The following MAPK8IP3 variants were observed in gnomAD, a reference collection of about 807,000 sequenced individuals.
The protein encoded by MAPK8IP3 is mitogen-activated protein kinase 8 interacting protein 3.
In MAPK8IP3, 49 loss-of-function variants were observed where a neutral mutation model predicts 157.8. The observed-to-expected ratio is 0.31, with a 90% CI of 0.25 to 0.39. MAPK8IP3 has a LOEUF of 0.39. Ranked by LOEUF, MAPK8IP3 falls within the 10% of genes least tolerant of loss-of-function variation. The pLI is 1.00. For missense variants in MAPK8IP3, 1,478 were observed against 1,889.4 expected, an observed-to-expected ratio of 0.78 and a Z score of 4.04; for synonymous variants, 897 against 777.7, an observed-to-expected ratio of 1.15 and a Z score of -2.55.
chr16:1,743,581 G>A lies in MAPK8IP3; in HGVS notation c.747+105G>A. ...GCAGGCAGCCCTTCACGGCTCTCTG[G>A]GCCACTCGCCCTCTCCCTTCGTGTG... On this transcript the variant is annotated intron_variant, in intron 5 of 31. Transcript: ENST00000610761. The surrounding 1 kb of genome is among the most constrained non-coding windows in gnomAD (Gnocchi z 5.6). 6.7e-7 allele frequency: 1 copy of A among 1,494,642 alleles called. No homozygotes were observed. The highest frequency in any genetic ancestry group is 1.4e-5 in the African/African-American group (1 of 69,484). 92.6% of individuals were successfully genotyped at this position (1,494,642 alleles called of 1,614,324 possible).
chr16:1,713,110 T>C (rs2037904728), intron 1 of MAPK8IP3, among the ~76,000 whole-genome samples: 1 of 152,208 alleles, frequency 6.6e-6, no homozygotes, highest in Admixed American at 6.5e-5. Context: ...GACTGTCTCT[T>C]TGGAGCAGCC....
chr16:1,759,538 G>C lies in MAPK8IP3; in HGVS notation c.1247-420G>C, dbSNP rs551824658. Among the ~76,000 whole-genome samples the C allele has an allele frequency of 1.2e-4, 18 of 152,226 alleles. No individual in the cohort carries two copies. In the South Asian group the frequency reaches 3.5e-3, roughly 30 times the overall value. On this transcript the variant is annotated intron_variant, in intron 10 of 31. Coordinates refer to ENST00000610761, the MANE Select transcript of MAPK8IP3 (RefSeq NM_001318852.2). ...GTCCTCACAGCCGCGCCCCATCGCC[G>C]CACCCCAGCCCTGCTGGCCCTGCCG...
Position 1,768,928 on chromosome 16 carries a change from CCT to C in MAPK8IP3, c.*108_*109del, listed in dbSNP as rs1567218076. 2.2e-6 allele frequency: 3 copies of C among 1,340,172 alleles called. No individual in the cohort carries two copies. The highest frequency in any genetic ancestry group is 1.4e-5 in the African/African-American group (1 of 69,302). The allele number at this position is 1,340,172 out of a possible 1,614,324, so 83.0% of individuals were successfully genotyped here. A position where few individuals can be genotyped will look rare whatever the true frequency, so the allele number is the denominator to read the frequency against. On this transcript the variant is annotated 3_prime_UTR_variant, in exon 32 of 32. Transcript: ENST00000610761. Reference sequence around the variant, plus strand: ...CCAGGCGCCGCCGCCCCTCTTCTAACCTCTCAACCTGCAGCTTTCACCTGAGT... The same window carrying C: ...CCAGGCGCCGCCGCCCCTCTTCTAACCTCAACCTGCAGCTTTCACCTGAGT...
chr16:1,706,501 G>A lies in MAPK8IP3; in HGVS notation c.162G>A (p.Glu54=). 1 of 1,614,116 alleles carries A rather than the reference G, an allele frequency of 6.2e-7. No homozygotes were observed. The highest frequency in any genetic ancestry group is 8.5e-7 in the Non-Finnish European group (1 of 1,179,990). The change falls in exon 1 of 32, where the codon GAG becomes GAA. Residue 54 remains glutamate (E), a synonymous_variant. Transcript: ENST00000610761. The surrounding 1 kb of genome is among the most constrained non-coding windows in gnomAD (Gnocchi z 5.1). The part of the protein sequence containing the change: ...IHCYDEEVVK[E]LMPLVVNVLE... The stretch of plus-strand genomic sequence containing the variant: ...GCTACGACGAGGAGGTGGTCAAGGA[G>A]CTCATGCCGCTGGTGGTGAACGTGC...
Position 1,766,386 on chromosome 16 carries a change from G to A in MAPK8IP3, c.2796G>A (p.Pro932=), listed in dbSNP as rs369545516. Reference sequence around the variant, plus strand: ...TCTTCACTGACCCAGCCCCGACCCCGTCCTCTGGCCCCCAGCCTGGCAGGT... The same window carrying A: ...TCTTCACTGACCCAGCCCCGACCCCATCCTCTGGCCCCCAGCCTGGCAGGT... ...EHVFTDPAPT[P]SSGPQPGSEN... The change falls in exon 22 of 32, where the codon CCG becomes CCA. Residue 932 remains proline (P), a synonymous_variant. Transcript: ENST00000610761. The A allele has an allele frequency of 2.5e-4, 404 of 1,611,368 alleles. 3 individuals are homozygous for A. In the South Asian group the frequency reaches 3.9e-3, roughly 16 times the overall value.
chr16:1,736,875 C>CGT (rs2039942570), intron 4 of MAPK8IP3, among the ~76,000 whole-genome samples: 2 of 35,838 alleles, frequency 5.6e-5, no homozygotes, highest in African/African-American at 1.2e-4. Flanking sequence ...TGTGAGCATC[C>CGT]GTGAGCGTGT....
chr16:1,763,852 C>A, intron 17 of MAPK8IP3, 69 bp downstream of exon 17: 1 of 211,084 alleles, frequency 4.7e-6, no homozygotes. Flanking sequence ...GGGCGGGGCG[C>A]TGTGGGGCGG....
rs376437227 is a variant in MAPK8IP3 at position 1,767,161 on chromosome 16, A to T, written c.3101A>T (p.Asp1034Val). 9.3e-6 allele frequency: 15 copies of T among 1,613,140 alleles called. No individual in the cohort carries two copies. Among genetic ancestry groups the T allele is most frequent in the Non-Finnish European group, 1.3e-5 (15 of 1,179,980 alleles). The change falls in exon 26 of 32, where the codon GAT becomes GTT. Residue 1034 changes from aspartate to valine, a missense_variant. Asp to Val is a radical substitution (Grantham distance 152). This residue lies in a region of MAPK8IP3 where 669 missense variants were observed against 759.8 expected (regional missense o/e 0.88). Transcript: ENST00000610761. Reference protein sequence around the residue: ...IFHRGEDGQWDLSNYHLMDLG... With the variant: ...IFHRGEDGQWVLSNYHLMDLG... The stretch of plus-strand genomic sequence containing the variant: ...GGGCTCCCTCCAGATGGCCAGTGGG[A>T]TCTGAGCAACTATCACCTAATGGAC...
Position 1,716,177 on chromosome 16 carries a change from T to C in MAPK8IP3, c.319-8380T>C, listed in dbSNP as rs530779763. Among the ~76,000 whole-genome samples the C allele has an allele frequency of 2.8e-3, 421 of 152,302 alleles. 1 individual carries two copies. Among genetic ancestry groups the C allele is most frequent in the Admixed American group, 3.5e-3 (54 of 15,288 alleles). ...AGAATACTGTCATCTTGATTTTATA[T>C]TGGACATTAAAAGTCAGTCACTGCG... On this transcript the variant is annotated intron_variant, in intron 1 of 31. Coordinates refer to ENST00000610761, the MANE Select transcript of MAPK8IP3 (RefSeq NM_001318852.2).
intron 1 of MAPK8IP3, among the ~76,000 whole-genome samples, chr16:1,723,321 C>T (rs998336218): frequency 6.6e-6 from 1 of 152,006 alleles, no homozygotes; most frequent in East Asian, 1.9e-4. Context: ...GCAGGAGAAT[C>T]GCTTGAACCC....
chr16:1,735,396 T>C (rs1039434227), intron 4 of MAPK8IP3, among the ~76,000 whole-genome samples: 2 of 148,486 alleles, frequency 1.3e-5, no homozygotes, highest in Non-Finnish European at 3.0e-5. Context: ...GTGTGGAACG[T>C]GTGACCGTCC....
chr16:1,768,817 C>G lies in MAPK8IP3; in HGVS notation c.4007C>G (p.Pro1336Arg), dbSNP rs781243993. The change falls in exon 32 of 32, where the codon CCC (proline) becomes CGC (arginine). Residue 1336 changes from proline to arginine, a missense_variant. Coordinates refer to ENST00000610761, the MANE Select transcript of MAPK8IP3 (RefSeq NM_001318852.2). ...HIIVWQVSYT[P>R]E ...ATCGTGTGGCAGGTGTCCTACACCCCCGAGTGAAGCTGCTGCCCTGCCTGG... is the reference window on the plus strand; with the variant it reads ...ATCGTGTGGCAGGTGTCCTACACCCGCGAGTGAAGCTGCTGCCCTGCCTGG... The G allele has an allele frequency of 6.2e-7, 1 of 1,612,152 alleles. No individual in the cohort carries two copies. Among genetic ancestry groups the G allele is most frequent in the Non-Finnish European group, 8.5e-7 (1 of 1,179,756 alleles).
At chr16:1,716,426 T>G (rs1206907655) in intron 1 of MAPK8IP3, among the ~76,000 whole-genome samples, 1 of 151,044 alleles carries the variant, frequency 6.6e-6, no homozygotes, top group Non-Finnish European at 1.5e-5. Context: ...GCCTCCTGAG[T>G]AGCTGGGATT....
Position 1,766,289 on chromosome 16 carries a change from C to G in MAPK8IP3, c.2699C>G (p.Thr900Arg), listed in dbSNP as rs769907593. ...SQSTEEATEA[T>R]EVPDPGPSEP... ...TCCACAGAGGAGGCCACAGAGGCCACGGAGGTGCCAGACCCTGGGCCCAGC... is the reference window on the plus strand; with the variant it reads ...TCCACAGAGGAGGCCACAGAGGCCAGGGAGGTGCCAGACCCTGGGCCCAGC... Residue 900 changes from threonine (T) to arginine (R), a missense_variant, in exon 22 of 32, where the codon ACG becomes AGG. This residue lies in a region of MAPK8IP3 where 669 missense variants were observed against 759.8 expected (regional missense o/e 0.88). Coordinates refer to ENST00000610761, the MANE Select transcript of MAPK8IP3 (RefSeq NM_001318852.2). 3 of 1,612,558 alleles carry G rather than the reference C, an allele frequency of 1.9e-6. No homozygotes were observed. The highest frequency in any genetic ancestry group is 1.7e-5 in the Admixed American group (1 of 60,008).
Position 1,769,056 on chromosome 16 carries a change from T to G in MAPK8IP3, c.*232T>G. 1.8e-6 allele frequency: 1 copy of G among 569,916 alleles called. No homozygotes were observed. Among genetic ancestry groups the G allele is most frequent in the South Asian group, 2.0e-5 (1 of 49,432 alleles). 35.3% of individuals were successfully genotyped at this position (569,916 alleles called of 1,614,324 possible). A position where few individuals can be genotyped will look rare whatever the true frequency, so the allele number is the denominator to read the frequency against. ...AGGGGAAGATGCTCTCGGGACAGTT[T>G]CCCGGGCAGCTCCTGGCCAGCTTCC... On this transcript the variant is annotated 3_prime_UTR_variant, in exon 32 of 32. Transcript: ENST00000610761.
intron 8 of MAPK8IP3, among the ~76,000 whole-genome samples, chr16:1,749,691 A>G (rs569753160): frequency 3.3e-5 from 5 of 152,366 alleles, no homozygotes; most frequent in Non-Finnish European, 5.9e-5. Flanking sequence ...TGCACGCGTC[A>G]GGGTCCGAGC....
At chr16:1,727,766 G>GCGA (rs2038987967) in intron 2 of MAPK8IP3, among the ~76,000 whole-genome samples, 1 of 152,180 alleles carries the variant, frequency 6.6e-6, no homozygotes, top group Non-Finnish European at 1.5e-5. Flanking sequence ...CAGCTTCCCT[G>GCGA]GGTGCCTGGT....
intron 20 of MAPK8IP3, among the ~76,000 whole-genome samples, chr16:1,765,519 C>T (rs568604080): frequency 9.7e-4 from 147 of 152,294 alleles, no homozygotes; most frequent in African/African-American, 3.3e-3. Context: ...CCAGTTGGGC[C>T]GAAGGGGCTA....
intron 5 of MAPK8IP3, 112 bp from the exon 6 acceptor site, chr16:1,746,917 G>A (rs1348313221): frequency 2.3e-6 from 3 of 1,329,150 alleles, no homozygotes; most frequent in African/African-American, 2.9e-5. Context: ...CAGGGTGTCG[G>A]GCGAGGCAAA....
Sources: gnomAD v4.1 joint callset for allele counts (sites outside exome capture counted in the v4.1 genomes callset) on GRCh38, gnomAD v4.1.1 for gene constraint, gnomAD v4.1.1 regional missense constraint, Gnocchi (gnomAD v3.1) non-coding constraint, MANE v1.5 for transcripts, NCBI Gene and HGNC (gene_info 2026-07-23, HGNC 2026-07-21) for gene names.